Variants in EFR3B observed in about 807,000 individuals in gnomAD.
EFR3B encodes the protein protein EFR3 homolog B.
In EFR3B, 64 loss-of-function variants were observed where a neutral mutation model predicts 104.7. The observed-to-expected ratio is 0.61, with a 90% CI of 0.50 to 0.75. EFR3B has a LOEUF of 0.75. Ranked by LOEUF, EFR3B falls within the 30% of genes least tolerant of loss-of-function variation. The probability of loss-of-function intolerance (pLI) is 0.00; values close to 1 mark genes in which losing one functional copy is unlikely to be tolerated. For missense variants in EFR3B, 750 were observed against 1,078.5 expected, an observed-to-expected ratio of 0.70 and a Z score of 4.27; for synonymous variants, 385 against 417.9, an observed-to-expected ratio of 0.92 and a Z score of 0.96.
intron 1 of EFR3B, among the ~76,000 whole-genome samples, chr2:25,069,702 AC>A (rs1182168263): frequency 6.6e-5 from 10 of 152,080 alleles, no homozygotes; most frequent in African/African-American, 2.4e-4. Flanking sequence ...AGGGGTAGTA[AC>A]TTTTTGTTTT....
intron 20 of EFR3B, among the ~76,000 whole-genome samples, chr2:25,151,368 G>T (rs923868366): frequency 6.6e-6 from 1 of 151,966 alleles, no homozygotes; most frequent in Non-Finnish European, 1.5e-5. Flanking sequence ...CAATCCTCCT[G>T]CCTCAGCCTC....
chr2:25,121,671 A>G lies in EFR3B; in HGVS notation c.364-2A>G. ...TGTGTTTCTCTCCTTCCTCCCTGAT[A>G]GTTTGTGAAGTTTGCCAACATCGAG... is the stretch of plus-strand genomic sequence containing the variant. On this transcript the variant is annotated splice_acceptor_variant, in intron 4 of 22. Transcript: ENST00000403714. LOFTEE classifies it high-confidence loss of function. The G allele has an allele frequency of 6.4e-7, 1 of 1,551,614 alleles. No individual in the cohort carries two copies. The highest frequency in any genetic ancestry group is 2.4e-5 in the East Asian group (1 of 40,902).
rs557670244 is a variant in EFR3B, at chr2:25,077,733, A to C, written c.8-13592A>C. Among the ~76,000 whole-genome samples the C allele has an allele frequency of 4.9e-4, 75 of 152,360 alleles. No individual in the cohort carries two copies. In the South Asian group the frequency reaches 0.016, roughly 32 times the overall value. ...CAAAAACTAGAACAAATACACTGAAATTCTAATAGTTATCTTTGAATTACG... is the reference window on the plus strand; with the variant it reads ...CAAAAACTAGAACAAATACACTGAACTTCTAATAGTTATCTTTGAATTACG... On this transcript the variant is annotated intron_variant, in intron 1 of 22. Transcript: ENST00000403714.
chr2:25,087,392 CAT>C (rs996958717), intron 1 of EFR3B, among the ~76,000 whole-genome samples: 3 of 151,210 alleles, frequency 2.0e-5, no homozygotes, highest in Admixed American at 6.6e-5. Context: ...CACACACACA[CAT>C]ATATTCTTTA....
At chr2:25,075,413 G>A (rs1464099626) in intron 1 of EFR3B, among the ~76,000 whole-genome samples, 3 of 152,096 alleles carry the variant, frequency 2.0e-5, no homozygotes, top group African/African-American at 7.2e-5. Context: ...AGGCACTCAG[G>A]ACATGTCTAT....
intron 4 of EFR3B, 142 bp downstream of exon 4, chr2:25,103,929 G>T: frequency 1.1e-6 from 1 of 948,152 alleles, no homozygotes; most frequent in Non-Finnish European, 1.5e-6. Flanking sequence ...GCTTGTTTTA[G>T]GGTCTCCCTT....
intron 1 of EFR3B, among the ~76,000 whole-genome samples, chr2:25,051,821 G>A (rs1386136121): frequency 2.7e-5 from 4 of 150,550 alleles, no homozygotes; most frequent in Admixed American, 2.0e-4. Context: ...TGTATTTTTA[G>A]TGAAGACAGG....
chr2:25,073,034 A>G (rs1668538707), intron 1 of EFR3B, among the ~76,000 whole-genome samples: 1 of 152,264 alleles, frequency 6.6e-6, no homozygotes, highest in Non-Finnish European at 1.5e-5. Flanking sequence ...GTCAAACAAT[A>G]TGGAAAAGAT....
Position 25,157,253 on chromosome 2 carries a change from A to G in EFR3B, c.*2913A>G, listed in dbSNP as rs912476709. On this transcript the variant is annotated 3_prime_UTR_variant, in exon 23 of 23. Transcript: ENST00000403714. ...CTCAGTTTTGTTTAAACTTACACTCAGTAGAGTGTTGGGTTGTCTGCTGAC... is the reference window on the plus strand; with the variant it reads ...CTCAGTTTTGTTTAAACTTACACTCGGTAGAGTGTTGGGTTGTCTGCTGAC... 6.6e-6 allele frequency: 1 copy of G among 152,136 alleles called. No individual in the cohort carries two copies. Among genetic ancestry groups the G allele is most frequent in the African/African-American group, 2.4e-5 (1 of 41,396 alleles). 9.4% of individuals were successfully genotyped at this position (152,136 alleles called of 1,614,324 possible). A position where few individuals can be genotyped will look rare whatever the true frequency, so the allele number is the denominator to read the frequency against.
intron 1 of EFR3B, among the ~76,000 whole-genome samples, chr2:25,043,969 G>A (rs1026973967): frequency 6.6e-6 from 1 of 152,194 alleles, no homozygotes; most frequent in Non-Finnish European, 1.5e-5. Context: ...TCGTTTACCC[G>A]AGATATCTGA....
At chr2:25,096,376 G>C (rs1295003034) in intron 3 of EFR3B, among the ~76,000 whole-genome samples, 1 of 152,050 alleles carries the variant, frequency 6.6e-6, no homozygotes, top group Non-Finnish European at 1.5e-5. Flanking sequence ...CCTGGTCCAG[G>C]GTCTTCTCTT....
intron 1 of EFR3B, among the ~76,000 whole-genome samples, chr2:25,045,507 C>T (rs539435566): frequency 1.3e-5 from 2 of 152,330 alleles, no homozygotes; most frequent in Admixed American, 1.3e-4. Context: ...TAAGGCTGGG[C>T]GTGGTGGCTC....
rs1670341783 is a variant in EFR3B at position 25,131,732 on chromosome 2, C to T, written c.986-18C>T. The T allele has an allele frequency of 6.0e-6, 9 of 1,488,744 alleles. No individual in the cohort carries two copies. The highest frequency in any genetic ancestry group is 8.1e-6 in the Non-Finnish European group (9 of 1,113,714). The allele number at this position is 1,488,744 out of a possible 1,614,324, so 92.2% of individuals were successfully genotyped here. A position where few individuals can be genotyped will look rare whatever the true frequency, so the allele number is the denominator to read the frequency against. On this transcript the variant is annotated intron_variant, in intron 9 of 22. Transcript: ENST00000403714. The surrounding 1 kb of genome is among the most constrained non-coding windows in gnomAD (Gnocchi z 7.6). ...GTGCCAGCCTTGGATCTCGGGTGTC[C>T]CGCCCCACCGCTCTCAGGGCCCACA...
In EFR3B at chr2:25,139,088, G is replaced by A. The variant is rs1002730912; in HGVS notation, c.1752G>A (p.Leu584=). 1.3e-6 allele frequency: 2 copies of A among 1,551,716 alleles called. No homozygotes were observed. Among genetic ancestry groups the A allele is most frequent in the Non-Finnish European group, 1.7e-6 (2 of 1,146,990 alleles). ...QDVAQVNEEN[L]PVYNRCALYA... ...TGGCCCAAGTCAATGAGGAGAACTT[G>A]CCTGTCTACAACCGCTGTGCCCTCT... The change falls in exon 16 of 23, where the codon TTG becomes TTA. Residue 584 remains leucine (L), a synonymous_variant. Coordinates refer to ENST00000403714, the MANE Select transcript of EFR3B (RefSeq NM_014971.2).
At chr2:25,057,728 G>A (rs1668061947) in intron 1 of EFR3B, among the ~76,000 whole-genome samples, 1 of 149,748 alleles carries the variant, frequency 6.7e-6, no homozygotes. Flanking sequence ...GTTGTAGTGA[G>A]CCGAGATTGC....
At chr2:25,149,634 A>C in intron 19 of EFR3B, 60 bp from the exon 20 acceptor site, 1 of 1,515,180 alleles carries the variant, frequency 6.6e-7, no homozygotes, top group South Asian at 1.2e-5. Flanking sequence ...TGGGGGTGCC[A>C]GGGCTGCCTC....
At chr2:25,055,899 C>A (rs907948480) in intron 1 of EFR3B, among the ~76,000 whole-genome samples, 1 of 152,166 alleles carries the variant, frequency 6.6e-6, no homozygotes, top group African/African-American at 2.4e-5. Flanking sequence ...TCGTTTATTT[C>A]TTTACACAAC....
intron 20 of EFR3B, among the ~76,000 whole-genome samples, chr2:25,151,057 T>TA (rs200604743): frequency 0.033 from 4,448 of 133,516 alleles, 74 homozygotes; most frequent in African/African-American, 0.067. Flanking sequence ...TCATCTCTAT[T>TA]AAAAAAAAAA....
Position 25,121,741 on chromosome 2 carries a change from C to T in EFR3B, c.432C>T (p.Ser144=), listed in dbSNP as rs201913860. The change falls in exon 5 of 23, where the codon TCC becomes TCT. Residue 144 remains serine, a synonymous_variant. Coordinates refer to ENST00000403714, the MANE Select transcript of EFR3B (RefSeq NM_014971.2). ...ACCGGAGCTATGACTTCTTTGTGTC[C>T]CGATTCAGTGAAATGTGCCACTCGA... The part of the protein sequence containing the change: ...SYHRSYDFFV[S]RFSEMCHSSH... 8 of 1,551,568 alleles carry T rather than the reference C, an allele frequency of 5.2e-6. No homozygotes were observed. In the Admixed American group the frequency reaches 5.9e-5, roughly 11 times the overall value.
Sources: allele counts gnomAD v4.1 joint callset (sites outside exome capture counted in the v4.1 genomes callset), GRCh38; gene constraint gnomAD v4.1.1; non-coding constraint Gnocchi (gnomAD v3.1); transcripts MANE v1.5; gene names NCBI Gene and HGNC (gene_info 2026-07-23, HGNC 2026-07-21).